DNAAF9: variants seen among roughly 807,000 people sequenced by gnomAD.
DNAAF9 encodes the protein dynein axonemal assembly factor 9, also known as shulin.
A neutral mutation model predicts 167.0 loss-of-function variants in DNAAF9; 90 were observed. The observed-to-expected ratio is 0.54, with a 90% CI of 0.45 to 0.64. DNAAF9 has a LOEUF of 0.64. Among genes scored for constraint, DNAAF9 ranks in the 30% least tolerant of loss-of-function variants. The probability of loss-of-function intolerance (pLI) is 0.00; values close to 1 mark genes in which losing one functional copy is unlikely to be tolerated. For synonymous variants in DNAAF9, 491 were observed against 508.8 expected, an observed-to-expected ratio of 0.96 and a Z score of 0.47; for missense variants, 1,315 against 1,442.2, an observed-to-expected ratio of 0.91 and a Z score of 1.43.
At chr20:3,327,368 G>C (rs1462210040) in intron 12 of DNAAF9, among the ~76,000 whole-genome samples, 2 of 152,078 alleles carry the variant, frequency 1.3e-5, no homozygotes, top group Non-Finnish European at 2.9e-5. Context: ...TCCTGGGAGT[G>C]GGGAAAGATG....
At chr20:3,406,080 T>C (rs1395606808) in intron 1 of DNAAF9, among the ~76,000 whole-genome samples, 1 of 152,246 alleles carries the variant, frequency 6.6e-6, no homozygotes, top group Non-Finnish European at 1.5e-5. Flanking sequence ...CTAAATGCAA[T>C]GTTTCATTGG....
intron 7 of DNAAF9, among the ~76,000 whole-genome samples, chr20:3,357,414 G>A (rs11906303): frequency 1.3e-5 from 2 of 152,106 alleles, no homozygotes; most frequent in African/African-American, 4.8e-5. Context: ...GGAAGTTGCA[G>A]TGAGCCAAGA....
intron 29 of DNAAF9, among the ~76,000 whole-genome samples, chr20:3,274,697 T>C (rs2068649234): frequency 1.3e-5 from 2 of 152,180 alleles, no homozygotes. Flanking sequence ...TAAGAATCCA[T>C]GAAATACAAT....
chr20:3,369,744 T>C (rs2083483889), intron 6 of DNAAF9, among the ~76,000 whole-genome samples: 2 of 152,214 alleles, frequency 1.3e-5, no homozygotes. Flanking sequence ...CGTGATGTTT[T>C]TATTTTACCT....
chr20:3,367,968 TA>T (rs2083451348), intron 6 of DNAAF9, among the ~76,000 whole-genome samples: 2 of 150,820 alleles, frequency 1.3e-5, no homozygotes, highest in Non-Finnish European at 2.9e-5. Context: ...CACAATAAAT[TA>T]AGATAGGCCT....
chr20:3,406,880 G>A (rs796755849), intron 1 of DNAAF9, among the ~76,000 whole-genome samples: 180 of 152,002 alleles, frequency 1.2e-3, no homozygotes, highest in African/African-American at 4.1e-3. Flanking sequence ...GGAAACGCGC[G>A]ACAGGGGAGA....
At chr20:3,336,730 T>G (rs1221946442) in intron 10 of DNAAF9, among the ~76,000 whole-genome samples, 1 of 151,842 alleles carries the variant, frequency 6.6e-6, no homozygotes, top group Non-Finnish European at 1.5e-5. Context: ...TTTTCTATTT[T>G]TAGTAGAGAC....
chr20:3,306,847 AC>A (rs1400054985), intron 20 of DNAAF9: 5 of 951,310 alleles, frequency 5.3e-6, no homozygotes, highest in Non-Finnish European at 6.3e-6. Flanking sequence ...TAAAACCACA[AC>A]CCCACCAACT....
chr20:3,257,721 T>C (rs6051684), intron 33 of DNAAF9, among the ~76,000 whole-genome samples: 92,569 of 150,448 alleles, frequency 0.62, 28,780 homozygotes, highest in East Asian at 0.73. Context: ...TTTTTTTTTT[T>C]GAGACAGAGT....
intron 32 of DNAAF9, 41 bp from the exon 33 acceptor site, chr20:3,259,595 C>T: frequency 7.2e-7 from 1 of 1,388,590 alleles, no homozygotes; most frequent in Non-Finnish European, 1.0e-6. Context: ...CACATGGAGG[C>T]ACAGGCCAAA....
intron 25 of DNAAF9, among the ~76,000 whole-genome samples, chr20:3,293,153 C>T (rs1436516152): frequency 1.3e-5 from 2 of 150,932 alleles, no homozygotes; most frequent in Non-Finnish European, 3.0e-5. Flanking sequence ...ATTAGCCGGG[C>T]GTGGGGGCGC....
intron 6 of DNAAF9, chr20:3,359,905 A>T (rs1418248962): frequency 5.2e-6 from 1 of 191,210 alleles, no homozygotes; most frequent in Non-Finnish European, 1.1e-5. Context: ...ATAAAATTTT[A>T]ATCAAAATAA....
In DNAAF9 at chr20:3,315,181, A is replaced by G; in HGVS notation, c.1591-61T>C. The G allele has an allele frequency of 9.8e-7, 1 of 1,019,470 alleles. No homozygotes were observed. The highest frequency in any genetic ancestry group is 1.6e-6 in the Non-Finnish European group (1 of 641,654). 63.2% of individuals were successfully genotyped at this position (1,019,470 alleles called of 1,614,324 possible). A position where few individuals can be genotyped will look rare whatever the true frequency, so the allele number is the denominator to read the frequency against. On this transcript the variant is annotated intron_variant, in intron 19 of 36. Coordinates refer to ENST00000252032, the MANE Select transcript of DNAAF9 (RefSeq NM_001009984.3). The surrounding 1 kb of genome is among the most constrained non-coding windows in gnomAD (Gnocchi z 4.1). ...AGAATAGGTGATTTATAGCATAAAT[A>G]TTCACAGAATCAAAAGTCCTGCCCA... is the stretch of plus-strand genomic sequence containing the variant.
chr20:3,374,059 T>C lies in DNAAF9; in HGVS notation c.601A>G (p.Met201Val), dbSNP rs769255840. ...EGIGGDGFFT[M>V]KYELQDVSLN... is the part of the protein sequence containing the mutation. ...CTTTTCATACATACCTCATATTTCA[T>C]GGTAAAAAATCCATCCCCTCCAATG... Residue 201 changes from methionine (M) to valine (V), a missense_variant, in exon 6 of 37, where the codon ATG (methionine) becomes GTG (valine). Coordinates refer to ENST00000252032, the MANE Select transcript of DNAAF9 (RefSeq NM_001009984.3). 1.2e-5 allele frequency: 19 copies of C among 1,607,414 alleles called. No individual in the cohort carries two copies. The highest frequency in any genetic ancestry group is 1.6e-5 in the Non-Finnish European group (19 of 1,173,872).
At position 3,340,597 on chromosome 20, in the gene DNAAF9, T is replaced by A. The variant is rs80335486; in HGVS notation, c.888A>T (p.Thr296=). ...QPFVLFGNHS[T]RENLNAGNFN... The stretch of plus-strand genomic sequence containing the variant: ...AGTTGCCAGCATTCAGGTTTTCTCG[T>A]GTGGAGTGATTACCAAAGAGAACAA... Residue 296 remains threonine (T), a synonymous_variant, in exon 10 of 37, where the codon ACA becomes ACT. Transcript: ENST00000252032. The A allele has an allele frequency of 5.1e-4, 825 of 1,613,732 alleles. 5 individuals are homozygous for A. In the African/African-American group the frequency reaches 9.8e-3, roughly 19 times the overall value.
chr20:3,253,673 T>C (rs138122632), intron 36 of DNAAF9, 53 bp downstream of exon 36: 262 of 1,095,562 alleles, frequency 2.4e-4, no homozygotes, highest in Middle Eastern at 2.0e-3. Flanking sequence ...GGTCACACAC[T>C]CCCAGCCTCA....
At chr20:3,281,885 G>A (rs555210246) in intron 27 of DNAAF9, 119 bp from the exon 28 acceptor site, 100 of 928,328 alleles carry the variant, frequency 1.1e-4, no homozygotes, top group South Asian at 9.9e-4. Flanking sequence ...GGAAGAGCCC[G>A]CAATCTGGTC....
intron 10 of DNAAF9, among the ~76,000 whole-genome samples, chr20:3,332,907 GTGT>G (rs1568610277): frequency 1.1e-3 from 149 of 136,882 alleles, no homozygotes; most frequent in African/African-American, 3.4e-3. Flanking sequence ...TGTGGTGTGT[GTGT>G]GTGTGTGTGT....
At chr20:3,296,243 G>T in intron 23 of DNAAF9, 1 of 477,664 alleles carries the variant, frequency 2.1e-6, no homozygotes. Context: ...CACTCTACCC[G>T]GGGTGACAGA....
Sources: allele counts gnomAD v4.1 joint callset (sites outside exome capture counted in the v4.1 genomes callset), GRCh38; gene constraint gnomAD v4.1.1; non-coding constraint Gnocchi (gnomAD v3.1); transcripts MANE v1.5; gene names NCBI Gene and HGNC (gene_info 2026-07-23, HGNC 2026-07-21).